Variants in XKR4 observed in about 807,000 individuals in gnomAD.
XKR4 encodes the protein XK related 4, also known as XK-related protein 4.
Under a neutral mutation model 53.9 loss-of-function variants are expected in XKR4, and 12 were observed. The observed-to-expected ratio is 0.22, with a 90% CI of 0.14 to 0.36. The LOEUF (loss-of-function observed/expected upper bound fraction) is 0.36, where lower values mean the gene tolerates loss of function less well. Ranked by LOEUF, XKR4 falls within the 10% of genes least tolerant of loss-of-function variation. The probability of loss-of-function intolerance (pLI) is 1.00; values close to 1 mark genes in which losing one functional copy is unlikely to be tolerated. For synonymous variants in XKR4, 354 were observed against 362.4 expected (o/e 0.98, Z 0.26); for missense variants, 799 against 859.5 (o/e 0.93, Z 0.88).
intron 1 of XKR4, among the ~76,000 whole-genome samples, chr8:55,241,978 G>A (rs1818216547): frequency 6.6e-6 from 1 of 152,072 alleles, no homozygotes; most frequent in Admixed American, 6.6e-5. Flanking sequence ...TTATAAATCT[G>A]TACATGCTAA....
chr8:55,469,867 T>A (rs1805845596), intron 2 of XKR4, among the ~76,000 whole-genome samples: 1 of 152,116 alleles, frequency 6.6e-6, no homozygotes, highest in Non-Finnish European at 1.5e-5. Flanking sequence ...TGGTCAATCA[T>A]TCACTCAACA....
At chr8:55,357,017 T>G (rs987036279) in intron 1 of XKR4, among the ~76,000 whole-genome samples, 4 of 152,240 alleles carry the variant, frequency 2.6e-5, no homozygotes, top group Non-Finnish European at 5.9e-5. Context: ...AGAAAATATG[T>G]GTTGATAGAC....
chr8:55,419,192 C>G (rs1446690013), intron 2 of XKR4, among the ~76,000 whole-genome samples: 1 of 152,124 alleles, frequency 6.6e-6, no homozygotes, highest in Non-Finnish European at 1.5e-5. Flanking sequence ...CAAGACCAGC[C>G]TGGCCAACAT....
chr8:55,324,148 T>G (rs1355319723), intron 1 of XKR4, among the ~76,000 whole-genome samples: 1 of 152,204 alleles, frequency 6.6e-6, no homozygotes, highest in African/African-American at 2.4e-5. Flanking sequence ...CAGGCCAGAG[T>G]GCAGTGGTGC....
intron 2 of XKR4, among the ~76,000 whole-genome samples, chr8:55,492,828 A>C (rs934722936): frequency 6.6e-6 from 1 of 152,124 alleles, no homozygotes; most frequent in Admixed American, 6.5e-5. Context: ...ATGTATTGCT[A>C]TTCAGTTGAA....
Position 55,453,058 on chromosome 8 carries a change from T to A in XKR4, c.1007-70223T>A, listed in dbSNP as rs76229337. ...CTGGGAAGGTGCCTCCCCAACCTCC[T>A]GGGCTGGGGCCTGATCCTCGGTGGG... On this transcript the variant is annotated intron_variant, in intron 2 of 2. Transcript: ENST00000327381. The A allele has an allele frequency of 4.8e-5, 29 of 599,458 alleles. No homozygotes were observed. In the East Asian group the frequency reaches 1.2e-3, roughly 25 times the overall value. The allele number at this position is 599,458 out of a possible 1,614,324, so 37.1% of individuals were successfully genotyped here. A position where few individuals can be genotyped will look rare whatever the true frequency, so the allele number is the denominator to read the frequency against.
chr8:55,393,427 G>GAAGA (rs893274483), intron 2 of XKR4, among the ~76,000 whole-genome samples: 14 of 52,804 alleles, frequency 2.7e-4, no homozygotes, highest in Admixed American at 1.7e-3. Flanking sequence ...AGGAAGGAAG[G>GAAGA]AAGGAAGGAA....
rs139974143 is a variant in XKR4 at position 55,392,090 on chromosome 8, C to A, written c.1006+34213C>A. Among the ~76,000 whole-genome samples the A allele has an allele frequency of 3.9e-5, 6 of 152,310 alleles. No individual in the cohort carries two copies. The East Asian group carries it at 1.2e-3, about 29-fold the overall frequency. ...AAGTAAAAAGCTCATTAGTATAGTT[C>A]AAGTTTAACTTGTCAGGATGAGCTC... On this transcript the variant is annotated intron_variant, in intron 2 of 2. Transcript: ENST00000327381.
intron 1 of XKR4, among the ~76,000 whole-genome samples, chr8:55,264,111 T>C (rs1818567464): frequency 6.6e-6 from 1 of 152,160 alleles, no homozygotes; most frequent in Non-Finnish European, 1.5e-5. Context: ...ATTACTAGAA[T>C]ATGCTGGGCA....
At chr8:55,450,251 C>T (rs893885411) in intron 2 of XKR4, 33 of 655,166 alleles carry the variant, frequency 5.0e-5, no homozygotes, top group Non-Finnish European at 8.5e-5. Flanking sequence ...CGTTCTTCCT[C>T]AGGGGCTCAG....
At position 55,531,012 on chromosome 8, in the gene XKR4, C is replaced by G. The variant is rs1399366329; in HGVS notation, c.*6785C>G. 1.3e-5 allele frequency: 2 copies of G among 152,208 alleles called. No individual in the cohort carries two copies. Among genetic ancestry groups the G allele is most frequent in the Non-Finnish European group, 2.9e-5 (2 of 68,036 alleles). The allele number at this position is 152,208 out of a possible 1,614,324, so 9.4% of individuals were successfully genotyped here. On this transcript the variant is annotated 3_prime_UTR_variant, in exon 3 of 3. Transcript: ENST00000327381. Reference sequence around the variant, plus strand: ...CAATCATAGTTTTCTGACGCCAGCTCTTACTCTTTTCTACTCTACCACACT... The same window carrying G: ...CAATCATAGTTTTCTGACGCCAGCTGTTACTCTTTTCTACTCTACCACACT...
chr8:55,114,512 A>G (rs1816278905), intron 1 of XKR4, among the ~76,000 whole-genome samples: 1 of 152,200 alleles, frequency 6.6e-6, no homozygotes, highest in Admixed American at 6.5e-5. Context: ...AAATGGGGCC[A>G]AAACACATCA....
intron 2 of XKR4, among the ~76,000 whole-genome samples, chr8:55,490,932 C>G (rs541458435): frequency 4.2e-5 from 2 of 47,772 alleles, no homozygotes; most frequent in South Asian, 4.1e-4. Flanking sequence ...TTTTTTCTGC[C>G]CCCCCCCCAC....
chr8:55,276,565 A>G (rs1207319705), intron 1 of XKR4, among the ~76,000 whole-genome samples: 1 of 152,218 alleles, frequency 6.6e-6, no homozygotes, highest in African/African-American at 2.4e-5. Flanking sequence ...TTGTAGATAG[A>G]GATGCAAGGG....
intron 2 of XKR4, among the ~76,000 whole-genome samples, chr8:55,377,470 G>A (rs1425937971): frequency 6.6e-6 from 1 of 152,178 alleles, no homozygotes; most frequent in African/African-American, 2.4e-5. Context: ...ACAATCCACA[G>A]TATCTACCTT....
At chr8:55,396,384 T>G (rs1443995443) in intron 2 of XKR4, among the ~76,000 whole-genome samples, 5 of 17,228 alleles carry the variant, frequency 2.9e-4, no homozygotes, top group Admixed American at 1.0e-3. Flanking sequence ...TTTTTTTGTG[T>G]TTTTTTTTTG....
chr8:55,107,871 A>G (rs893907060), intron 1 of XKR4, among the ~76,000 whole-genome samples: 5 of 152,220 alleles, frequency 3.3e-5, no homozygotes, highest in African/African-American at 4.8e-5. Context: ...CTCTCTATAC[A>G]TATAAATTAA....
chr8:55,451,950 C>T (rs1045745527), intron 2 of XKR4: 4 of 774,118 alleles, frequency 5.2e-6, no homozygotes, highest in Non-Finnish European at 9.4e-6. Context: ...TCCAGTGCTC[C>T]TAGCTGAGTT....
chr8:55,366,445 C>T (rs993048725), intron 2 of XKR4, among the ~76,000 whole-genome samples: 26 of 152,172 alleles, frequency 1.7e-4, no homozygotes, highest in African/African-American at 5.1e-4. Context: ...CATGAAAACG[C>T]CCAGGCAGCC....
Sources: gnomAD v4.1 joint callset for allele counts (sites outside exome capture counted in the v4.1 genomes callset) on GRCh38, gnomAD v4.1.1 for gene constraint, MANE v1.5 for transcripts, NCBI Gene and HGNC (gene_info 2026-07-23, HGNC 2026-07-21) for gene names.